C12orf75: variants seen among roughly 807,000 people sequenced by gnomAD.
C12orf75 encodes overexpressed in colon carcinoma 1 protein.
In C12orf75, 4 loss-of-function variants were observed where a neutral mutation model predicts 11.4. The observed-to-expected ratio is 0.35, with a 90% CI of 0.17 to 0.80. The LOEUF is 0.80. Among genes scored for constraint, C12orf75 ranks in the 30% least tolerant of loss-of-function variants. The pLI is 0.52. For missense variants in C12orf75, 89 were observed against 80.4 expected, an observed-to-expected ratio of 1.11 and a Z score of -0.41; for synonymous variants, 30 against 30.0, an observed-to-expected ratio of 1.00 and a Z score of 0.00.
intron 1 of C12orf75, among the ~76,000 whole-genome samples, chr12:105,332,853 T>C (rs1430302303): frequency 6.6e-6 from 1 of 150,964 alleles, no homozygotes; most frequent in Non-Finnish European, 1.5e-5. Context: ...CTTGGGGAAA[T>C]ATGATTATCT....
At chr12:105,360,790 T>C (rs1414105062) in intron 2 of C12orf75, among the ~76,000 whole-genome samples, 1 of 152,222 alleles carries the variant, frequency 6.6e-6, no homozygotes, top group South Asian at 2.1e-4. Context: ...ATCTTTTTTT[T>C]TGTGAGACCG....
At chr12:105,339,307 G>A (rs1426923767) in intron 1 of C12orf75, among the ~76,000 whole-genome samples, 1 of 150,136 alleles carries the variant, frequency 6.7e-6, no homozygotes, top group Non-Finnish European at 1.5e-5. Flanking sequence ...ATTCTTGCAT[G>A]TTTTTATTAT....
chr12:105,350,327 G>C (rs566171620), intron 2 of C12orf75, among the ~76,000 whole-genome samples: 1 of 152,208 alleles, frequency 6.6e-6, no homozygotes, highest in Non-Finnish European at 1.5e-5. Context: ...CTCGCATGGC[G>C]TGGGAGGAGA....
In C12orf75 at chr12:105,332,753, AAAG is replaced by A. The variant is rs1592874565; in HGVS notation, c.46+1819_46+1821del. Among the ~76,000 whole-genome samples the A allele has an allele frequency of 2.6e-5, 4 of 151,974 alleles. No homozygotes were observed. The East Asian group carries it at 5.8e-4, about 22-fold the overall frequency. On this transcript the variant is annotated intron_variant, in intron 1 of 5. Coordinates refer to ENST00000443585, the MANE Select transcript of C12orf75 (RefSeq NM_001145199.2). Reference sequence around the variant, plus strand: ...CTCCATCTAAAAAAAAAAAAAAAGAAAAGAAAAGAAAATAGAAAGATGGTAAGG... The same window carrying A: ...CTCCATCTAAAAAAAAAAAAAAAGAAAAAAGAAAATAGAAAGATGGTAAGG...
chr12:105,369,400 T>G (rs888312665), intron 5 of C12orf75, among the ~76,000 whole-genome samples: 4 of 152,192 alleles, frequency 2.6e-5, no homozygotes, highest in Non-Finnish European at 2.9e-5. Flanking sequence ...TCTTTAACTC[T>G]TTCTTTTTTT....
chr12:105,340,782 C>T (rs1265204289), intron 1 of C12orf75, among the ~76,000 whole-genome samples: 1 of 151,952 alleles, frequency 6.6e-6, no homozygotes, highest in Non-Finnish European at 1.5e-5. Flanking sequence ...TGAGTAGGCT[C>T]TAAATCCAAT....
At chr12:105,337,425 G>C (rs1047607017) in intron 1 of C12orf75, among the ~76,000 whole-genome samples, 6 of 152,146 alleles carry the variant, frequency 3.9e-5, no homozygotes, top group Admixed American at 3.9e-4. Context: ...TCTCAAACCT[G>C]TCTCTCTGAG....
intron 1 of C12orf75, among the ~76,000 whole-genome samples, chr12:105,338,360 G>T (rs1592876400): frequency 6.6e-6 from 1 of 152,130 alleles, no homozygotes; most frequent in African/African-American, 2.4e-5. Context: ...TTTTAGTGGA[G>T]ATGGGGTTTC....
At chr12:105,365,052 G>A (rs1429759363) in intron 2 of C12orf75, among the ~76,000 whole-genome samples, 1 of 151,904 alleles carries the variant, frequency 6.6e-6, no homozygotes, top group Non-Finnish European at 1.5e-5. Context: ...GGCCAAGCTG[G>A]TCTCGAACTC....
At chr12:105,356,013 T>C (rs1377513573) in intron 2 of C12orf75, among the ~76,000 whole-genome samples, 3 of 152,138 alleles carry the variant, frequency 2.0e-5, no homozygotes, top group Admixed American at 6.5e-5. Context: ...GGGACTAATA[T>C]TGGCCAATGG....
At chr12:105,361,852 C>T (rs984477732) in intron 2 of C12orf75, among the ~76,000 whole-genome samples, 1 of 152,186 alleles carries the variant, frequency 6.6e-6, no homozygotes, top group Non-Finnish European at 1.5e-5. Context: ...TTAGACCAAC[C>T]ACCGCTTTCT....
At chr12:105,367,033 A>G (rs189849807) in intron 4 of C12orf75, among the ~76,000 whole-genome samples, 2 of 152,386 alleles carry the variant, frequency 1.3e-5, no homozygotes, top group East Asian at 1.9e-4. Flanking sequence ...CTGTAATATA[A>G]GATGACTGAC....
chr12:105,353,464 G>A (rs919470871), intron 2 of C12orf75: 2 of 152,158 alleles, frequency 1.3e-5, no homozygotes, highest in Non-Finnish European at 2.9e-5. Context: ...CTGCAGTCAT[G>A]TGCTCACCAC....
intron 2 of C12orf75, among the ~76,000 whole-genome samples, chr12:105,350,707 T>C (rs1190751030): frequency 1.3e-5 from 2 of 152,184 alleles, no homozygotes; most frequent in Non-Finnish European, 2.9e-5. Flanking sequence ...GGGCAATACC[T>C]TACCCATTTT....
rs200950023 is a variant in C12orf75, at chr12:105,355,168, C to CTTTTTTTTTTTTTTTTTT, written c.71+6547_71+6548insTTTTTTTTTTTTTTTTTT. On this transcript the variant is annotated intron_variant, in intron 2 of 5. Transcript: ENST00000443585. Reference sequence around the variant, plus strand: ...GGGTGGTTTTCACGAATTTCTTTTTCTTTTTCTTTTTCTTTTTTTTTTTCA... The same window carrying CTTTTTTTTTTTTTTTTTT: ...GGGTGGTTTTCACGAATTTCTTTTTCTTTTTTTTTTTTTTTTTTTTTTTCTTTTTCTTTTTTTTTTTCA... Among the ~76,000 whole-genome samples the CTTTTTTTTTTTTTTTTTT allele has an allele frequency of 1.2e-4, 9 of 74,224 alleles. 4 individuals are homozygous for CTTTTTTTTTTTTTTTTTT. Among genetic ancestry groups the CTTTTTTTTTTTTTTTTTT allele is most frequent in the African/African-American group, 1.8e-4 (4 of 21,906 alleles). 48.7% of individuals were successfully genotyped at this position (74,224 alleles called of 152,430 possible). A position where few individuals can be genotyped will look rare whatever the true frequency, so the allele number is the denominator to read the frequency against.
At chr12:105,367,705 T>A (rs1871520022) in intron 5 of C12orf75, among the ~76,000 whole-genome samples, 196 bp downstream of exon 5, 1 of 152,222 alleles carries the variant, frequency 6.6e-6, no homozygotes, top group Non-Finnish European at 1.5e-5. Flanking sequence ...CAGCTACTTT[T>A]TTCATTTCAT....
intron 2 of C12orf75, among the ~76,000 whole-genome samples, chr12:105,362,856 T>C (rs536665126): frequency 3.9e-5 from 6 of 152,256 alleles, no homozygotes; most frequent in African/African-American, 9.6e-5. Flanking sequence ...TTTTAAAATG[T>C]GAGTAGTACT....
rs539495364 is a variant in C12orf75, at chr12:105,367,497, C to T, written c.*21C>T. On this transcript the variant is annotated 3_prime_UTR_variant, in exon 5 of 6. Coordinates refer to ENST00000443585, the MANE Select transcript of C12orf75 (RefSeq NM_001145199.2). ...ATTAGAAGAAAATAACATCATGACT[C>T]AAGAATCAAGAGGTGCTGTATATTT... The T allele has an allele frequency of 3.7e-6, 3 of 812,220 alleles. No individual in the cohort carries two copies. Among genetic ancestry groups the T allele is most frequent in the Middle Eastern group, 3.2e-4 (1 of 3,084 alleles). The allele number at this position is 812,220 out of a possible 1,614,324, so 50.3% of individuals were successfully genotyped here.
intron 1 of C12orf75, among the ~76,000 whole-genome samples, chr12:105,333,282 A>G (rs1213724530): frequency 2.6e-5 from 4 of 152,214 alleles, no homozygotes; most frequent in African/African-American, 9.7e-5. Flanking sequence ...CAGAGAGGAA[A>G]TACATCAGGA....
Sources: gnomAD v4.1 joint callset for allele counts (sites outside exome capture counted in the v4.1 genomes callset) on GRCh38, gnomAD v4.1.1 for gene constraint, MANE v1.5 for transcripts, NCBI Gene and HGNC (gene_info 2026-07-23, HGNC 2026-07-21) for gene names.